The following PHKG1 variants were observed in gnomAD, a reference collection of about 807,000 sequenced individuals.
PHKG1 encodes phosphorylase kinase catalytic subunit gamma 1.
Under a neutral mutation model 50.5 loss-of-function variants are expected in PHKG1, and 48 were observed. The observed-to-expected ratio is 0.95, with a 90% CI of 0.75 to 1.21. PHKG1 has a LOEUF of 1.21. Among genes scored for constraint, PHKG1 ranks in the 50% most tolerant of loss-of-function variants. The probability of loss-of-function intolerance (pLI) is 0.00; values close to 1 mark genes in which losing one functional copy is unlikely to be tolerated. For synonymous variants in PHKG1, 204 were observed against 212.8 expected (o/e 0.96, Z 0.36); for missense variants, 487 against 519.5 (o/e 0.94, Z 0.61).
At chr7:56,084,565 C>T (rs749946094) in intron 4 of PHKG1, among the ~76,000 whole-genome samples, 2 of 151,734 alleles carry the variant, frequency 1.3e-5, no homozygotes, top group Non-Finnish European at 2.9e-5. Context: ...GTAGAGACAG[C>T]GTTTCATCAT....
chr7:56,082,414 G>A (rs35307785), intron 6 of PHKG1, among the ~76,000 whole-genome samples, 161 bp from the exon 7 acceptor site: 6,596 of 152,126 alleles, frequency 0.043, 261 homozygotes, highest in East Asian at 0.2. Context: ...CCAACATGGC[G>A]AAACTCCATC....
chr7:56,090,507 C>G (rs1005370168), intron 1 of PHKG1, among the ~76,000 whole-genome samples: 2 of 152,322 alleles, frequency 1.3e-5, no homozygotes, highest in African/African-American at 4.8e-5. Flanking sequence ...TGAACACCCA[C>G]TCTTTGCCAA....
intron 4 of PHKG1, among the ~76,000 whole-genome samples, chr7:56,086,524 C>T (rs1461999856): frequency 1.3e-5 from 2 of 151,900 alleles, no homozygotes; most frequent in African/African-American, 2.4e-5. Flanking sequence ...GTTTCGCTCT[C>T]GTAGCCCAGG....
chr7:56,081,578 T>A lies in PHKG1; in HGVS notation c.918+52A>T. 6.2e-7 allele frequency: 1 copy of A among 1,601,114 alleles called. No homozygotes were observed. Among genetic ancestry groups the A allele is most frequent in the Non-Finnish European group, 8.5e-7 (1 of 1,171,676 alleles). ...AAGGACTCCTGGGAGAGGAGGGGGC[T>A]TAGAGGTTTGCACTTAGGGAGCTGG... On this transcript the variant is annotated intron_variant, in intron 9 of 9. Transcript: ENST00000297373. The surrounding 1 kb of genome is among the most constrained non-coding windows in gnomAD (Gnocchi z 4.6).
At chr7:56,090,590 C>T (rs1188598926) in intron 1 of PHKG1, among the ~76,000 whole-genome samples, 1 of 152,060 alleles carries the variant, frequency 6.6e-6, no homozygotes, top group Non-Finnish European at 1.5e-5. Context: ...TGTCACTTGT[C>T]AGTGTATGCT....
At chr7:56,089,634 CT>C (rs1487285780) in intron 1 of PHKG1, among the ~76,000 whole-genome samples, 1 of 148,430 alleles carries the variant, frequency 6.7e-6, no homozygotes, top group Non-Finnish European at 1.5e-5. Flanking sequence ...AGCGATTCTC[CT>C]GCCTCAGCCT....
Position 56,081,966 on chromosome 7 carries a change from C to CTCAGCA in PHKG1, c.713_718dup (p.Met238_Leu239dup). ...CTGGTAGTTGCCGCTCATGATCATC[C>CTCAGCA]TCAGCATCAGCATCTGCTTCCGGTG... On this transcript the variant is annotated inframe_insertion, in exon 8 of 10. Transcript: ENST00000297373. The surrounding 1 kb of genome is among the most constrained non-coding windows in gnomAD (Gnocchi z 4.6). 1.2e-6 allele frequency: 2 copies of CTCAGCA among 1,613,928 alleles called. No homozygotes were observed. The highest frequency in any genetic ancestry group is 1.7e-6 in the Non-Finnish European group (2 of 1,180,024).
At chr7:56,089,420 A>G (rs1231454515) in intron 1 of PHKG1, among the ~76,000 whole-genome samples, 2 of 131,320 alleles carry the variant, frequency 1.5e-5, no homozygotes, top group Non-Finnish European at 1.6e-5. Flanking sequence ...AAATCTTTGT[A>G]GAGATGGGGT....
At chr7:56,090,933 G>A (rs1022508053) in intron 1 of PHKG1, among the ~76,000 whole-genome samples, 1 of 152,148 alleles carries the variant, frequency 6.6e-6, no homozygotes, top group South Asian at 2.1e-4. Flanking sequence ...GGATTTAGGC[G>A]TGGCGTGATG....
intron 4 of PHKG1, among the ~76,000 whole-genome samples, chr7:56,085,920 GC>G (rs756337632): frequency 6.6e-6 from 1 of 150,492 alleles, no homozygotes; most frequent in Admixed American, 6.6e-5. Context: ...GTTGCAGTGA[GC>G]CGAGATCGCA....
chr7:56,081,173 C>T lies in PHKG1; in HGVS notation c.1045G>A (p.Ala349Thr), dbSNP rs775329257. The T allele has an allele frequency of 3.1e-6, 5 of 1,613,786 alleles. No individual in the cohort carries two copies. The highest frequency in any genetic ancestry group is 2.2e-5 in the East Asian group (1 of 44,880). Residue 349 changes from alanine to threonine, a missense_variant, in exon 10 of 10, where the codon GCC becomes ACC. By Grantham distance (58) the Ala-to-Thr change is moderately conservative. Transcript: ENST00000297373. The surrounding 1 kb of genome is among the most constrained non-coding windows in gnomAD (Gnocchi z 4.6). ...ALRPLRRLID[A>T]YAFRIYGHWV... Reference sequence around the variant, plus strand: ...TGGCCATAGATTCGGAAAGCGTAGGCGTCGATGAGCCGGCGCAGAGGCCGG... The same window carrying T: ...TGGCCATAGATTCGGAAAGCGTAGGTGTCGATGAGCCGGCGCAGAGGCCGG...
At position 56,081,761 on chromosome 7, in the gene PHKG1, AGAG is replaced by A. The variant is rs1466730022; in HGVS notation, c.793-9_793-7del. On this transcript the variant is annotated splice_region_variant and splice_polypyrimidine_tract_variant and intron_variant, in intron 8 of 9. Transcript: ENST00000297373. This position sits in a 1 kb window ranked among gnomAD's most constrained non-coding sequence, Gnocchi z 4.6. Reference sequence around the variant, plus strand: ...ACCACCAGGAATCGGGAGACCTGTGAGAGGAGGAGAGGGGAACCGAGAATGTCA... The same window carrying A: ...ACCACCAGGAATCGGGAGACCTGTGAGAGGAGAGGGGAACCGAGAATGTCA... 6.2e-7 allele frequency: 1 copy of A among 1,611,694 alleles called. No individual in the cohort carries two copies. Among genetic ancestry groups the A allele is most frequent in the Non-Finnish European group, 8.5e-7 (1 of 1,178,494 alleles).
intron 6 of PHKG1, among the ~76,000 whole-genome samples, chr7:56,082,535 G>T (rs1353210109): frequency 6.6e-6 from 1 of 152,136 alleles, no homozygotes; most frequent in Non-Finnish European, 1.5e-5. Context: ...GGAGTTTGCA[G>T]TGAGCTGAGA....
Position 56,088,800 on chromosome 7 carries a change from AG to A in PHKG1, c.83+58del, listed in dbSNP as rs1796378089. On this transcript the variant is annotated intron_variant, in intron 2 of 9. Coordinates refer to ENST00000297373, the MANE Select transcript of PHKG1 (RefSeq NM_006213.5). ...CTCGGGGTGGAGCAGAGCTGGCTGT[AG>A]CCCACAGGGTCTGCTGGAGCCTAGG... The A allele has an allele frequency of 5.1e-6, 6 of 1,174,916 alleles. No individual in the cohort carries two copies. In the South Asian group the frequency reaches 7.4e-5, roughly 15 times the overall value. The allele number at this position is 1,174,916 out of a possible 1,614,324, so 72.8% of individuals were successfully genotyped here.
At position 56,082,060 on chromosome 7, in the gene PHKG1, G is replaced by A; in HGVS notation, c.639-14C>T. 3.7e-6 allele frequency: 6 copies of A among 1,609,628 alleles called. No homozygotes were observed. Among genetic ancestry groups the A allele is most frequent in the Non-Finnish European group, 3.4e-6 (4 of 1,176,462 alleles). ...CCAGTGCTCCACCTGGACATGCGAGGGCCCAGGGCCACTTACCCAGCGCCA... is the reference window on the plus strand; with the variant it reads ...CCAGTGCTCCACCTGGACATGCGAGAGCCCAGGGCCACTTACCCAGCGCCA... On this transcript the variant is annotated splice_polypyrimidine_tract_variant and intron_variant, in intron 7 of 9. Transcript: ENST00000297373.
At chr7:56,084,102 G>T in intron 4 of PHKG1, 1 of 1,054,766 alleles carries the variant, frequency 9.5e-7, no homozygotes, top group South Asian at 1.4e-5. Flanking sequence ...GGCTAGAAGT[G>T]ACCAGGGAAG....
At position 56,083,289 on chromosome 7, in the gene PHKG1, T is replaced by C; in HGVS notation, c.536A>G (p.Glu179Gly). 1 of 1,613,866 alleles carries C rather than the reference T, an allele frequency of 6.2e-7. No individual in the cohort carries two copies. Among genetic ancestry groups the C allele is most frequent in the African/African-American group, 1.3e-5 (1 of 75,012 alleles). Residue 179 changes from glutamate (E) to glycine (G), a missense_variant, in exon 6 of 10, where the codon GAG becomes GGG. Physicochemically the swap from Glu to Gly is moderately conservative, Grantham distance 98. Transcript: ENST00000297373. ...CCATGTTACCAGACCTCGCAGCCTC[T>C]CTCCCGGCTCCAGCTGGCAGGAAAA... The part of the protein sequence containing the change: ...FGFSCQLEPG[E>G]RLREVCGTPS...
rs957627212 is a variant in PHKG1 at position 56,082,007 on chromosome 7, G to A, written c.678C>T (p.Gly226=). The A allele has an allele frequency of 4.3e-6, 7 of 1,613,822 alleles. No homozygotes were observed. Among genetic ancestry groups the A allele is most frequent in the Middle Eastern group, 1.6e-4 (1 of 6,084 alleles). The change falls in exon 8 of 10, where the codon GGC becomes GGT. Residue 226 remains glycine, a synonymous_variant. Coordinates refer to ENST00000297373, the MANE Select transcript of PHKG1 (RefSeq NM_006213.5). ...TGVIMYTLLA[G]SPPFWHRKQM... Reference sequence around the variant, plus strand: ...GCTTCCGGTGCCAGAAGGGCGGGGAGCCGGCCAGCAGCGTGTACATGATGA... The same window carrying A: ...GCTTCCGGTGCCAGAAGGGCGGGGAACCGGCCAGCAGCGTGTACATGATGA...
Position 56,081,629 on chromosome 7 carries a change from C to T in PHKG1, c.918+1G>A. On this transcript the variant is annotated splice_donor_variant, in intron 9 of 9. Transcript: ENST00000297373. LOFTEE classifies it high-confidence loss of function. The surrounding 1 kb of genome is among the most constrained non-coding windows in gnomAD (Gnocchi z 4.6). Reference sequence around the variant, plus strand: ...CGGGCCTGGATCAGGACGCTTAGTACCTTGAACTTCCCCCGGGGGCTGAAG... The same window carrying T: ...CGGGCCTGGATCAGGACGCTTAGTATCTTGAACTTCCCCCGGGGGCTGAAG... 2 of 1,613,504 alleles carry T rather than the reference C, an allele frequency of 1.2e-6. No homozygotes were observed. The highest frequency in any genetic ancestry group is 1.7e-6 in the Non-Finnish European group (2 of 1,179,972).
Sources: allele counts gnomAD v4.1 joint callset (sites outside exome capture counted in the v4.1 genomes callset), GRCh38; gene constraint gnomAD v4.1.1; non-coding constraint Gnocchi (gnomAD v3.1); transcripts MANE v1.5; gene names NCBI Gene and HGNC (gene_info 2026-07-23, HGNC 2026-07-21).